Variants in TLK1 observed in about 807,000 individuals in gnomAD.
TLK1 encodes the protein tousled like kinase 1.
TLK1 carries 24 observed loss-of-function variants against 105.3 expected under a neutral mutation model. The observed-to-expected ratio is 0.23, with a 90% CI of 0.17 to 0.32. The LOEUF is 0.32. TLK1 is among the 10% of genes least tolerant of loss of function. TLK1 has a pLI of 1.00. For missense variants in TLK1, 558 were observed against 910.5 expected (o/e 0.61, Z 4.98); for synonymous variants, 321 against 310.4 (o/e 1.03, Z -0.36).
At chr2:171,007,556 G>A (rs1190898804) in intron 14 of TLK1, among the ~76,000 whole-genome samples, 1 of 151,878 alleles carries the variant, frequency 6.6e-6, no homozygotes, top group Admixed American at 6.6e-5. Flanking sequence ...TTATAAAACT[G>A]TTCAAACATA....
At chr2:171,186,473 A>T (rs943988051) in intron 1 of TLK1, among the ~76,000 whole-genome samples, 2 of 152,210 alleles carry the variant, frequency 1.3e-5, no homozygotes, top group African/African-American at 4.8e-5. Context: ...GGAGCCAGAG[A>T]TGCTAAATAT....
At chr2:171,015,954 T>G (rs1685189056) in intron 12 of TLK1, among the ~76,000 whole-genome samples, 1 of 150,284 alleles carries the variant, frequency 6.7e-6, no homozygotes, top group African/African-American at 2.4e-5. Flanking sequence ...GGCGCATGCC[T>G]GTAATCCCAG....
At chr2:171,174,287 C>T (rs758912878) in intron 1 of TLK1, among the ~76,000 whole-genome samples, 8 of 152,036 alleles carry the variant, frequency 5.3e-5, no homozygotes, top group African/African-American at 9.7e-5. Flanking sequence ...TTGGAATTTC[C>T]TACTCCTACC....
chr2:171,196,879 A>T (rs183130932), intron 1 of TLK1, among the ~76,000 whole-genome samples: 2 of 152,360 alleles, frequency 1.3e-5, no homozygotes, highest in East Asian at 3.9e-4. Context: ...TATAGCTCTA[A>T]AAACTTAGTA....
chr2:171,105,866 A>G (rs1176822225), intron 2 of TLK1, among the ~76,000 whole-genome samples: 1 of 152,194 alleles, frequency 6.6e-6, no homozygotes, highest in Non-Finnish European at 1.5e-5. Flanking sequence ...GGTATACACA[A>G]AGGAAAGGAA....
rs1687343472 is a variant in TLK1, at chr2:171,053,472, G to A, written c.732+289C>T. Reference sequence around the variant, plus strand: ...CCACCTCCCGGGTTCAAGCATTTCTGCTGCCTCAGCCTCCCAAGTAGCTGG... The same window carrying A: ...CCACCTCCCGGGTTCAAGCATTTCTACTGCCTCAGCCTCCCAAGTAGCTGG... On this transcript the variant is annotated intron_variant, in intron 8 of 20. Transcript: ENST00000431350. Among the ~76,000 whole-genome samples the A allele has an allele frequency of 2.0e-5, 3 of 151,498 alleles. No individual in the cohort carries two copies. The South Asian group carries it at 6.3e-4, about 32-fold the overall frequency.
intron 11 of TLK1, among the ~76,000 whole-genome samples, chr2:171,029,338 AC>A (rs1004577805): frequency 6.3e-4 from 96 of 152,318 alleles, no homozygotes; most frequent in African/African-American, 2.2e-3. Flanking sequence ...TAGTCAAAGT[AC>A]TAAATTCTGG....
intron 3 of TLK1, among the ~76,000 whole-genome samples, chr2:171,064,816 C>A (rs1687913600): frequency 1.3e-5 from 2 of 152,172 alleles, no homozygotes; most frequent in Admixed American, 6.5e-5. Context: ...AATGACTACT[C>A]TGGCATTTAG....
intron 12 of TLK1, chr2:171,023,079 T>A (rs760155341): frequency 6.4e-6 from 3 of 471,022 alleles, no homozygotes; most frequent in South Asian, 3.1e-5. Context: ...GGTGCCAATA[T>A]CGGTCAGAGA....
At chr2:171,061,466 GA>G (rs1687744358) in intron 3 of TLK1, among the ~76,000 whole-genome samples, 1 of 152,170 alleles carries the variant, frequency 6.6e-6, no homozygotes, top group South Asian at 2.1e-4. Context: ...TTAACTGGAT[GA>G]GGGGGAAAAA....
chr2:171,199,697 G>T (rs1460848299), intron 1 of TLK1, among the ~76,000 whole-genome samples: 1 of 152,018 alleles, frequency 6.6e-6, no homozygotes, highest in East Asian at 1.9e-4. Context: ...CTTTTGCTGG[G>T]GAAAAACTTT....
intron 11 of TLK1, among the ~76,000 whole-genome samples, chr2:171,037,425 G>T (rs932753733): frequency 1.5e-5 from 2 of 137,720 alleles, no homozygotes; most frequent in Non-Finnish European, 3.1e-5. Flanking sequence ...TGGGCAACAA[G>T]AGTGAAACTC....
chr2:171,082,661 T>C (rs1431701774), intron 3 of TLK1, 120 bp downstream of exon 3: 12 of 796,086 alleles, frequency 1.5e-5, no homozygotes, highest in East Asian at 2.6e-5. Context: ...AACATTCCTA[T>C]AAGAAACTTT....
chr2:171,019,690 G>A (rs941767156), intron 12 of TLK1, among the ~76,000 whole-genome samples: 15 of 152,146 alleles, frequency 9.9e-5, no homozygotes, highest in African/African-American at 3.6e-4. Context: ...ATGGGAGTTG[G>A]TAGAAGAATA....
intron 1 of TLK1, among the ~76,000 whole-genome samples, chr2:171,223,217 C>A (rs535716729): frequency 6.6e-6 from 1 of 152,280 alleles, no homozygotes; most frequent in Admixed American, 6.5e-5. Flanking sequence ...TTTAGAGGAA[C>A]CTCCATACTG....
intron 1 of TLK1, among the ~76,000 whole-genome samples, chr2:171,218,400 A>T (rs984873041): frequency 6.6e-6 from 1 of 152,214 alleles, no homozygotes; most frequent in Non-Finnish European, 1.5e-5. Flanking sequence ...ATGGGTATAA[A>T]GTTTCAGTTT....
rs140892503 is a variant in TLK1, at chr2:170,997,561, C to T, written c.2016+151G>A. 286 of 469,442 alleles carry T rather than the reference C, an allele frequency of 6.1e-4. 4 individuals carry two copies. In the East Asian group the frequency reaches 7.2e-3, roughly 12 times the overall value. The allele number at this position is 469,442 out of a possible 1,614,324, so 29.1% of individuals were successfully genotyped here. On this transcript the variant is annotated intron_variant, in intron 19 of 20. Transcript: ENST00000431350. ...GTGTGACATTAAAATAATTCTGATC[C>T]ATGGAAATTTTAGGAAGAAATAGAG...
At chr2:171,209,106 C>G (rs903935223) in intron 1 of TLK1, among the ~76,000 whole-genome samples, 3 of 152,130 alleles carry the variant, frequency 2.0e-5, no homozygotes, top group African/African-American at 7.2e-5. Flanking sequence ...AAATATGTTG[C>G]TTTTTAGAAA....
At position 171,006,849 on chromosome 2, in the gene TLK1, G is replaced by A; in HGVS notation, c.1549C>T (p.His517Tyr). Residue 517 changes from histidine (H) to tyrosine (Y), a missense_variant, in exon 16 of 21, where the codon CAC (histidine) becomes TAC (tyrosine). His to Tyr is a moderately conservative substitution (Grantham distance 83). Around this residue, in one of 5 missense-constraint regions of TLK1, gnomAD observed 218 missense variants for 492.9 expected, o/e 0.44. Transcript: ENST00000431350. Reference sequence around the variant, plus strand: ...TCATAGAGTTTAACTATTCTGGGGTGATCCAGTTCTTTGTGTATTCTATAC... The same window carrying A: ...TCATAGAGTTTAACTATTCTGGGGTAATCCAGTTCTTTGTGTATTCTATAC... The part of the protein sequence containing the change: ...REYRIHKELD[H>Y]PRIVKLYDYF... The A allele has an allele frequency of 1.9e-6, 3 of 1,613,130 alleles. No homozygotes were observed. Among genetic ancestry groups the A allele is most frequent in the Non-Finnish European group, 2.5e-6 (3 of 1,179,422 alleles).
Sources: gnomAD v4.1 joint callset for allele counts (sites outside exome capture counted in the v4.1 genomes callset) on GRCh38, gnomAD v4.1.1 for gene constraint, gnomAD v4.1.1 regional missense constraint, MANE v1.5 for transcripts, NCBI Gene and HGNC (gene_info 2026-07-23, HGNC 2026-07-21) for gene names.